Variants in BBX observed in about 807,000 individuals in gnomAD.
The protein encoded by BBX is HMG box transcription factor BBX.
BBX carries 30 observed loss-of-function variants against 100.2 expected under a neutral mutation model. The observed-to-expected ratio is 0.30, with a 90% confidence interval of 0.22 to 0.41. The LOEUF (loss-of-function observed/expected upper bound fraction) is 0.41. Ranked by LOEUF, BBX falls within the 10% of genes least tolerant of loss-of-function variation. The pLI is 1.00. For missense variants in BBX, 1,023 were observed against 1,129.8 expected, an observed-to-expected ratio of 0.91 and a Z score of 1.35; for synonymous variants, 376 against 388.1, an observed-to-expected ratio of 0.97 and a Z score of 0.37.
At position 107,696,461 on chromosome 3, in the gene BBX, T is replaced by C. The variant is rs1333929799; in HGVS notation, c.-9-13991T>C. Among the ~76,000 whole-genome samples, 7 of 150,798 alleles carry C rather than the reference T, an allele frequency of 4.6e-5. No individual in the cohort carries two copies. In the East Asian group the frequency reaches 1.4e-3, roughly 29 times the overall value. On this transcript the variant is annotated intron_variant, in intron 3 of 17. Coordinates refer to ENST00000325805, the MANE Select transcript of BBX (RefSeq NM_001142568.3). ...TTATTTCTCCTTCACTTATGAAGCT[T>C]AGTTTGGCTGGATATGAAATTCTGG... is the stretch of plus-strand genomic sequence containing the variant.
intron 10 of BBX, among the ~76,000 whole-genome samples, chr3:107,770,793 C>A (rs1429488064): frequency 6.6e-6 from 1 of 152,092 alleles, no homozygotes; most frequent in African/African-American, 2.4e-5. Context: ...TGCCTCTCTC[C>A]ACCCTTTCTT....
intron 9 of BBX, among the ~76,000 whole-genome samples, chr3:107,753,701 G>A (rs937660550): frequency 1.3e-5 from 2 of 152,190 alleles, no homozygotes; most frequent in Non-Finnish European, 2.9e-5. Context: ...AAAAGCAACA[G>A]CAGAGGGAGC....
chr3:107,672,843 A>C (rs965860657), intron 3 of BBX, among the ~76,000 whole-genome samples: 11 of 152,064 alleles, frequency 7.2e-5, no homozygotes, highest in Non-Finnish European at 1.5e-5. Context: ...CTTTGTGAAG[A>C]GTGTCACGAT....
At chr3:107,543,829 G>A (rs1294814076) in intron 2 of BBX, among the ~76,000 whole-genome samples, 1 of 152,214 alleles carries the variant, frequency 6.6e-6, no homozygotes. Context: ...AGCTGTTGAT[G>A]AGGAGAAAAG....
At position 107,774,830 on chromosome 3, in the gene BBX, C is replaced by G; in HGVS notation, c.2027C>G (p.Thr676Arg). The G allele has an allele frequency of 1.2e-6, 2 of 1,613,392 alleles. No homozygotes were observed. The highest frequency in any genetic ancestry group is 4.5e-5 in the East Asian group (2 of 44,854). ...AGTGGGAGCAAGAAGTTCAAGAAGA[C>G]AAAGCCAAAAGAAGACTGTCTCCTT... ...GTSGSKKFKK[T>R]KPKEDCLLGS... Residue 676 changes from threonine to arginine, a missense_variant, in exon 12 of 18, where the codon ACA (threonine) becomes AGA (arginine). Physicochemically the swap from Thr to Arg is moderately conservative, Grantham distance 71. Coordinates refer to ENST00000325805, the MANE Select transcript of BBX (RefSeq NM_001142568.3).
intron 2 of BBX, among the ~76,000 whole-genome samples, chr3:107,635,970 A>G (rs1011556945): frequency 9.2e-5 from 14 of 152,160 alleles, no homozygotes; most frequent in African/African-American, 3.1e-4. Context: ...TCGGCCTCCC[A>G]AAGTGTTGAG....
At chr3:107,741,201 T>C (rs1004316402) in intron 7 of BBX, among the ~76,000 whole-genome samples, 32 of 152,180 alleles carry the variant, frequency 2.1e-4, no homozygotes, top group African/African-American at 7.2e-4. Context: ...AAGGACAGGC[T>C]CATGATAACA....
chr3:107,534,264 C>T (rs1324255176), intron 2 of BBX, among the ~76,000 whole-genome samples: 1 of 152,156 alleles, frequency 6.6e-6, no homozygotes, highest in South Asian at 2.1e-4. Flanking sequence ...ATTAAAAATG[C>T]TGGCTTGTTT....
In BBX at chr3:107,716,728, G is replaced by A. The variant is rs772688060; in HGVS notation, c.284G>A (p.Arg95His). Residue 95 changes from arginine to histidine, a missense_variant, in exon 5 of 18, where the codon CGC (arginine) becomes CAC (histidine). Arg to His is a conservative substitution (Grantham distance 29). This residue lies in a region of BBX where 229 missense variants were observed against 226.3 expected (regional missense o/e 1.01). Transcript: ENST00000325805. ...NAFLLFCKRH[R>H]SLVRQEHPRL... ...TTTCTTTTATTTTGCAAACGCCATCGCTCTCTTGTACGTCAGGAACACCCC... is the reference window on the plus strand; with the variant it reads ...TTTCTTTTATTTTGCAAACGCCATCACTCTCTTGTACGTCAGGAACACCCC... The A allele has an allele frequency of 1.4e-5, 22 of 1,613,648 alleles. No individual in the cohort carries two copies. Among genetic ancestry groups the A allele is most frequent in the East Asian group, 2.2e-5 (1 of 44,888 alleles).
chr3:107,774,512 T>G (rs1439280150), intron 11 of BBX, among the ~76,000 whole-genome samples: 2 of 152,162 alleles, frequency 1.3e-5, no homozygotes, highest in Admixed American at 1.3e-4. Context: ...ACATGACAAT[T>G]AATCCCAGAA....
chr3:107,733,140 T>G, intron 7 of BBX, 117 bp downstream of exon 7: 1 of 860,952 alleles, frequency 1.2e-6, no homozygotes, highest in Non-Finnish European at 1.8e-6. Context: ...GAACAAACTT[T>G]ATAATCTTTC....
chr3:107,565,176 C>A (rs1294591769), intron 2 of BBX, among the ~76,000 whole-genome samples: 3 of 151,980 alleles, frequency 2.0e-5, no homozygotes, highest in African/African-American at 7.2e-5. Context: ...ATATATGTGG[C>A]CACCTTGTAA....
chr3:107,671,345 G>A (rs929679051), intron 3 of BBX, among the ~76,000 whole-genome samples: 1 of 151,772 alleles, frequency 6.6e-6, no homozygotes. Flanking sequence ...GTGTATTTTT[G>A]TCTTAAAATT....
chr3:107,771,530 A>G (rs1372035883), intron 10 of BBX, among the ~76,000 whole-genome samples: 2 of 152,216 alleles, frequency 1.3e-5, no homozygotes, highest in Admixed American at 6.5e-5. Context: ...TAACTTCCCC[A>G]GTGCATATTT....
chr3:107,594,533 T>C (rs2053550787), intron 2 of BBX, among the ~76,000 whole-genome samples: 2 of 152,154 alleles, frequency 1.3e-5, no homozygotes, highest in South Asian at 2.1e-4. Flanking sequence ...TCCAGAGAGA[T>C]CGCATTTCTG....
chr3:107,643,650 T>C (rs912350533), intron 2 of BBX, among the ~76,000 whole-genome samples: 1 of 152,008 alleles, frequency 6.6e-6, no homozygotes, highest in Admixed American at 6.6e-5. Context: ...TATAGGGTTG[T>C]GCTCATACTT....
chr3:107,778,574 C>T (rs2067521615), intron 13 of BBX, 55 bp downstream of exon 13: 4 of 1,575,756 alleles, frequency 2.5e-6, no homozygotes, highest in Admixed American at 3.6e-5. Context: ...AGTGACCCTT[C>T]AGCCAAGCTT....
chr3:107,541,644 T>C (rs2048871490), intron 2 of BBX, among the ~76,000 whole-genome samples: 1 of 152,144 alleles, frequency 6.6e-6, no homozygotes, highest in Admixed American at 6.6e-5. Context: ...ATTTGGATTA[T>C]ATTTAGATTA....
chr3:107,694,961 A>G (rs1167549608), intron 3 of BBX, among the ~76,000 whole-genome samples: 3 of 151,708 alleles, frequency 2.0e-5, no homozygotes, highest in East Asian at 1.9e-4. Flanking sequence ...CATTTCTTCT[A>G]TATTTTCTAG....
Sources: gnomAD v4.1 joint callset for allele counts (sites outside exome capture counted in the v4.1 genomes callset) on GRCh38, gnomAD v4.1.1 for gene constraint, gnomAD v4.1.1 regional missense constraint, MANE v1.5 for transcripts, NCBI Gene and HGNC (gene_info 2026-07-23, HGNC 2026-07-21) for gene names.